ABCB10: variants seen among roughly 807,000 people sequenced by gnomAD.
ABCB10 encodes ATP binding cassette subfamily B member 10.
ABCB10 carries 54 observed loss-of-function variants against 65.4 expected under a neutral mutation model. The observed-to-expected ratio is 0.83, with a 90% CI of 0.66 to 1.04. ABCB10 has a LOEUF of 1.04. ABCB10 is among the 50% of genes least tolerant of loss of function. The pLI is 0.00. For synonymous variants in ABCB10, 418 were observed against 406.5 expected (o/e 1.03, Z -0.34); for missense variants, 846 against 976.6 (o/e 0.87, Z 1.78).
intron 6 of ABCB10, among the ~76,000 whole-genome samples, chr1:229,537,240 A>G (rs764669796): frequency 2.0e-5 from 3 of 152,256 alleles, no homozygotes; most frequent in Non-Finnish European, 2.9e-5. Context: ...GCACAGCATT[A>G]TGAATGTACT....
At chr1:229,526,673 T>C (rs1433811234) in intron 9 of ABCB10, among the ~76,000 whole-genome samples, 1 of 152,246 alleles carries the variant, frequency 6.6e-6, no homozygotes, top group African/African-American at 2.4e-5. Flanking sequence ...CTCAGGTTTG[T>C]ATGCTGTGTG....
intron 1 of ABCB10, 31 bp from the exon 2 acceptor site, chr1:229,549,465 G>C: frequency 6.3e-7 from 1 of 1,596,788 alleles, no homozygotes; most frequent in South Asian, 1.1e-5. Context: ...CAATGTTCAG[G>C]TTGCTTCAGC....
chr1:229,532,554 A>C (rs1474525651), intron 6 of ABCB10, among the ~76,000 whole-genome samples: 1 of 152,114 alleles, frequency 6.6e-6, no homozygotes, highest in African/African-American at 2.4e-5. Flanking sequence ...TAGATTACTT[A>C]TAATACCTCA....
intron 6 of ABCB10, among the ~76,000 whole-genome samples, chr1:229,536,546 C>T (rs1442445628): frequency 5.3e-5 from 8 of 152,042 alleles, no homozygotes; most frequent in Non-Finnish European, 4.4e-5. Context: ...GGTAAAGAGT[C>T]AAAAGTAGTT....
chr1:229,533,480 A>G (rs1662634084), intron 6 of ABCB10, among the ~76,000 whole-genome samples: 1 of 152,246 alleles, frequency 6.6e-6, no homozygotes, highest in African/African-American at 2.4e-5. Context: ...ATGTGAGGAC[A>G]TACATTTGTA....
intron 4 of ABCB10, 83 bp downstream of exon 4, chr1:229,542,154 T>G: frequency 1.3e-6 from 2 of 1,503,618 alleles, no homozygotes; most frequent in Non-Finnish European, 8.9e-7. Context: ...AAAACCTAAG[T>G]ACATCCCTTA....
intron 1 of ABCB10, among the ~76,000 whole-genome samples, chr1:229,555,225 C>T (rs1663217966): frequency 6.6e-6 from 1 of 152,230 alleles, no homozygotes; most frequent in South Asian, 2.1e-4. Context: ...CTGCCCCTAA[C>T]TCACTCAGGT....
At chr1:229,522,582 A>C (rs1463389517) in intron 10 of ABCB10, among the ~76,000 whole-genome samples, 2 of 152,220 alleles carry the variant, frequency 1.3e-5, no homozygotes, top group African/African-American at 4.8e-5. Flanking sequence ...ACTGAGATAC[A>C]AAGTAGCATG....
intron 7 of ABCB10, 37 bp downstream of exon 7, chr1:229,531,599 T>C: frequency 6.3e-7 from 1 of 1,593,532 alleles, no homozygotes; most frequent in Non-Finnish European, 8.6e-7. Flanking sequence ...AAAGCCACAT[T>C]TGTTAATCCT....
In ABCB10 at chr1:229,517,876, G is replaced by A. The variant is rs189478483; in HGVS notation, c.*303C>T. 3 of 240,764 alleles carry A rather than the reference G, an allele frequency of 1.2e-5. No homozygotes were observed. The South Asian group carries it at 2.6e-4, about 21-fold the overall frequency. 14.9% of individuals were successfully genotyped at this position (240,764 alleles called of 1,614,324 possible). Reference sequence around the variant, plus strand: ...TTGACAATAGCTTCAATCTTTAACAGCAGGCAAAAGAAAATGAGGTGCCAT... The same window carrying A: ...TTGACAATAGCTTCAATCTTTAACAACAGGCAAAAGAAAATGAGGTGCCAT... On this transcript the variant is annotated 3_prime_UTR_variant, in exon 13 of 13. Coordinates refer to ENST00000344517, the MANE Select transcript of ABCB10 (RefSeq NM_012089.3).
intron 3 of ABCB10, among the ~76,000 whole-genome samples, chr1:229,542,823 G>T (rs774636496): frequency 8.6e-5 from 13 of 151,910 alleles, no homozygotes; most frequent in Non-Finnish European, 1.3e-4. Flanking sequence ...CCAAGATGGT[G>T]AAGTCACCAA....
At chr1:229,551,903 C>T (rs1285182411) in intron 1 of ABCB10, among the ~76,000 whole-genome samples, 2 of 152,208 alleles carry the variant, frequency 1.3e-5, no homozygotes, top group Non-Finnish European at 2.9e-5. Flanking sequence ...TCCGAAAGCA[C>T]AGTGTATGTG....
rs1172566644 is a variant in ABCB10, at chr1:229,549,340, A to G, written c.612T>C (p.Thr204=). ...KIIDVIYTNP[T]VDYSDNLTRL... Reference sequence around the variant, plus strand: ...GGGTCAGGTTGTCGCTGTAGTCCACAGTGGGGTTGGTATAGATGACATCAA... The same window carrying G: ...GGGTCAGGTTGTCGCTGTAGTCCACGGTGGGGTTGGTATAGATGACATCAA... Residue 204 remains threonine (T), a synonymous_variant, in exon 2 of 13, where the codon ACT becomes ACC. Coordinates refer to ENST00000344517, the MANE Select transcript of ABCB10 (RefSeq NM_012089.3). 1.2e-6 allele frequency: 2 copies of G among 1,614,012 alleles called. No homozygotes were observed. The highest frequency in any genetic ancestry group is 1.7e-5 in the Admixed American group (1 of 59,982).
At chr1:229,555,797 C>G (rs111366424) in intron 1 of ABCB10, among the ~76,000 whole-genome samples, 2,502 of 152,228 alleles carry the variant, frequency 0.016, 31 homozygotes, top group Middle Eastern at 0.031. Context: ...TCAGGCTGCT[C>G]TTAGAATGAT....
At position 229,558,302 on chromosome 1, in the gene ABCB10, C is replaced by T. The variant is rs1663313096; in HGVS notation, c.351G>A (p.Arg117=). The T allele has an allele frequency of 3.2e-6, 4 of 1,235,410 alleles. No homozygotes were observed. Among genetic ancestry groups the T allele is most frequent in the Non-Finnish European group, 4.0e-6 (4 of 988,912 alleles). The allele number at this position is 1,235,410 out of a possible 1,614,324, so 76.5% of individuals were successfully genotyped here. The part of the protein sequence containing the change: ...GPGAPRLPRA[R]FPGGPAAAAW... ...CAGCGGCTGCGGGACCGCCCGGGAA[C>T]CGGGCGCGCGGGAGCCGAGGAGCGC... The change falls in exon 1 of 13, where the codon CGG becomes CGA. Residue 117 remains arginine, a synonymous_variant. Transcript: ENST00000344517.
chr1:229,558,287 G>A lies in ABCB10; in HGVS notation c.366C>T (p.Pro122=). ...CGTCCCCTGCCCAGGCAGCGGCTGC[G>A]GGACCGCCCGGGAACCGGGCGCGCG... The part of the protein sequence containing the change: ...RLPRARFPGG[P]AAAAWAGDEA... Residue 122 remains proline, a synonymous_variant, in exon 1 of 13, where the codon CCC becomes CCT. Transcript: ENST00000344517. The A allele has an allele frequency of 3.2e-6, 4 of 1,240,686 alleles. No individual in the cohort carries two copies. The highest frequency in any genetic ancestry group is 5.6e-5 in the South Asian group (2 of 35,758). 76.9% of individuals were successfully genotyped at this position (1,240,686 alleles called of 1,614,324 possible).
At chr1:229,542,967 C>T (rs1662885941) in intron 3 of ABCB10, among the ~76,000 whole-genome samples, 1 of 151,930 alleles carries the variant, frequency 6.6e-6, no homozygotes, top group Non-Finnish European at 1.5e-5. Context: ...CCCATCTCTA[C>T]TAAAAATACA....
At position 229,558,239 on chromosome 1, in the gene ABCB10, C is replaced by T; in HGVS notation, c.414G>A (p.Ala138=). ...AGDEAWRRGP[A]APPGDKGRLR... ...GCCGCCCCTTGTCCCCGGGAGGCGC[C>T]GCCGGCCCGCGCCGCCAGGCCTCGT... The change falls in exon 1 of 13, where the codon GCG becomes GCA. Residue 138 remains alanine (A), a synonymous_variant. Coordinates refer to ENST00000344517, the MANE Select transcript of ABCB10 (RefSeq NM_012089.3). 4 of 1,337,326 alleles carry T rather than the reference C, an allele frequency of 3.0e-6. No individual in the cohort carries two copies. The highest frequency in any genetic ancestry group is 3.8e-6 in the Non-Finnish European group (4 of 1,047,690). The allele number at this position is 1,337,326 out of a possible 1,614,324, so 82.8% of individuals were successfully genotyped here. A position where few individuals can be genotyped will look rare whatever the true frequency, so the allele number is the denominator to read the frequency against.
Position 229,558,492 on chromosome 1 carries a change from G to A in ABCB10, c.161C>T (p.Ala54Val). 2 of 1,313,294 alleles carry A rather than the reference G, an allele frequency of 1.5e-6. No homozygotes were observed. Among genetic ancestry groups the A allele is most frequent in the Non-Finnish European group, 9.7e-7 (1 of 1,029,826 alleles). 81.4% of individuals were successfully genotyped at this position (1,313,294 alleles called of 1,614,324 possible). A position where few individuals can be genotyped will look rare whatever the true frequency, so the allele number is the denominator to read the frequency against. ...AACGCCCCAGAGCAGCGCGGGCCCC[G>A]CGCCCCATAGCCGCGCCGGCCTCAG... is the stretch of plus-strand genomic sequence containing the variant. Reference protein sequence around the residue: ...TGLRPARLWGAGPALLWGVGA... With the variant: ...TGLRPARLWGVGPALLWGVGA... Residue 54 changes from alanine (A) to valine (V), a missense_variant, in exon 1 of 13, where the codon GCG becomes GTG. Ala to Val is a moderately conservative substitution (Grantham distance 64). This residue lies in a region of ABCB10 where 214 missense variants were observed against 173.5 expected (regional missense o/e 1.23). Transcript: ENST00000344517.
Sources: allele counts gnomAD v4.1 joint callset (sites outside exome capture counted in the v4.1 genomes callset), GRCh38; gene constraint gnomAD v4.1.1; regional missense constraint gnomAD v4.1.1; transcripts MANE v1.5; gene names NCBI Gene and HGNC (gene_info 2026-07-23, HGNC 2026-07-21).